The following TBC1D5 variants were observed in gnomAD, a reference collection of about 807,000 sequenced individuals.
The protein encoded by TBC1D5 is TBC1 domain family, member 5.
Under a neutral mutation model 100.3 loss-of-function variants are expected in TBC1D5, and 75 were observed. The ratio of observed to expected loss-of-function variants is 0.75; its 90% CI spans 0.62 to 0.91. TBC1D5 has a LOEUF of 0.91. Among genes scored for constraint, TBC1D5 ranks in the 40% least tolerant of loss-of-function variants. The probability of loss-of-function intolerance (pLI) is 0.00; values close to 1 mark genes in which losing one functional copy is unlikely to be tolerated. For missense variants in TBC1D5, 910 were observed against 942.4 expected (o/e 0.97, Z 0.45); for synonymous variants, 323 against 325.6 (o/e 0.99, Z 0.09).
chr3:17,204,247 T>C, intron 18 of TBC1D5, among the ~76,000 whole-genome samples: 1 of 152,224 alleles, frequency 6.6e-6, no homozygotes, highest in Non-Finnish European at 1.5e-5. Flanking sequence ...ATCTGGTCTC[T>C]GGCCTTGGCT....
intron 2 of TBC1D5, among the ~76,000 whole-genome samples, chr3:17,533,701 A>G (rs2096255694): frequency 6.6e-6 from 1 of 152,204 alleles, no homozygotes; most frequent in Admixed American, 6.5e-5. Flanking sequence ...ACGAATGTGA[A>G]TTACAAAAGA....
intron 18 of TBC1D5, among the ~76,000 whole-genome samples, chr3:17,205,018 C>T (rs530175083): frequency 6.6e-6 from 1 of 152,300 alleles, no homozygotes; most frequent in Non-Finnish European, 1.5e-5. Flanking sequence ...GTTTACAAAA[C>T]ATCGAATGAC....
At chr3:17,463,546 G>A (rs185056215) in intron 3 of TBC1D5, among the ~76,000 whole-genome samples, 3 of 152,256 alleles carry the variant, frequency 2.0e-5, no homozygotes, top group Admixed American at 6.5e-5. Context: ...TACCATTTAA[G>A]GGGGTGCTCA....
At chr3:17,718,393 C>T (rs568104802) in intron 1 of TBC1D5, among the ~76,000 whole-genome samples, 4 of 152,136 alleles carry the variant, frequency 2.6e-5, no homozygotes, top group African/African-American at 9.6e-5. Flanking sequence ...GTCAGGAGAT[C>T]GAGACCATCC....
chr3:17,686,272 ATCAGCCTTCATTTAACAAAGGTTT>A (rs1010848872), intron 1 of TBC1D5, among the ~76,000 whole-genome samples: 1 of 152,106 alleles, frequency 6.6e-6, no homozygotes, highest in African/African-American at 2.4e-5. Context: ...GACCTCATAA[ATCAGCCTTCATTTAACAAAGGTTT>A]TATCTACCCA....
At chr3:17,627,251 C>T (rs1031414446) in intron 1 of TBC1D5, among the ~76,000 whole-genome samples, 1 of 152,124 alleles carries the variant, frequency 6.6e-6, no homozygotes, top group African/African-American at 2.4e-5. Flanking sequence ...ATGGCTGGAT[C>T]TGACTGGAGC....
At chr3:17,547,886 A>G (rs937039758) in intron 2 of TBC1D5, among the ~76,000 whole-genome samples, 14 of 152,248 alleles carry the variant, frequency 9.2e-5, no homozygotes, top group African/African-American at 3.1e-4. Flanking sequence ...AATTTGACTG[A>G]CAAGTTTACA....
chr3:17,541,835 A>G (rs1011305290), intron 2 of TBC1D5, among the ~76,000 whole-genome samples: 1 of 152,230 alleles, frequency 6.6e-6, no homozygotes, highest in Non-Finnish European at 1.5e-5. Flanking sequence ...CACATATAGT[A>G]GTCCTCTCAC....
intron 2 of TBC1D5, among the ~76,000 whole-genome samples, chr3:17,545,666 T>G (rs1424459510): frequency 6.6e-6 from 1 of 152,180 alleles, no homozygotes; most frequent in Non-Finnish European, 1.5e-5. Context: ...ATTTTGGTGT[T>G]TTTTTCAATG....
chr3:17,290,051 T>C (rs559825572), intron 15 of TBC1D5, among the ~76,000 whole-genome samples: 1 of 152,384 alleles, frequency 6.6e-6, no homozygotes, highest in South Asian at 2.1e-4. Flanking sequence ...CTTATTCTAC[T>C]GAGCCTTTTA....
chr3:17,548,602 T>G (rs933078830), intron 2 of TBC1D5, among the ~76,000 whole-genome samples: 8 of 152,200 alleles, frequency 5.3e-5, no homozygotes, highest in Non-Finnish European at 1.0e-4. Context: ...AGAGTCTTTG[T>G]AGCTACTGTT....
At chr3:17,277,930 G>A (rs1281977741) in intron 15 of TBC1D5, among the ~76,000 whole-genome samples, 1 of 152,142 alleles carries the variant, frequency 6.6e-6, no homozygotes, top group Admixed American at 6.5e-5. Flanking sequence ...GTTTTAACCA[G>A]CTGTAATGAA....
chr3:17,399,155 G>A (rs963841256), intron 8 of TBC1D5, among the ~76,000 whole-genome samples: 5 of 152,058 alleles, frequency 3.3e-5, no homozygotes, highest in Admixed American at 1.3e-4. Context: ...GTCTAAAAGG[G>A]AACTGGGTAT....
intron 13 of TBC1D5, among the ~76,000 whole-genome samples, chr3:17,368,175 T>C (rs1438498023): frequency 6.6e-6 from 1 of 152,142 alleles, no homozygotes; most frequent in African/African-American, 2.4e-5. Context: ...CAAGATTTCA[T>C]GTGGACTTAT....
At chr3:17,693,233 G>A (rs1172552050) in intron 1 of TBC1D5, among the ~76,000 whole-genome samples, 1 of 152,214 alleles carries the variant, frequency 6.6e-6, no homozygotes, top group Non-Finnish European at 1.5e-5. Flanking sequence ...GGGACTGGTT[G>A]GACATTGGGT....
intron 2 of TBC1D5, among the ~76,000 whole-genome samples, chr3:17,555,341 G>A (rs1027244181): frequency 3.9e-5 from 6 of 152,116 alleles, no homozygotes; most frequent in African/African-American, 1.4e-4. Flanking sequence ...GATTTTATAC[G>A]TTTCAGGGAT....
chr3:17,298,158 T>C (rs898241774), intron 14 of TBC1D5, among the ~76,000 whole-genome samples: 5 of 152,344 alleles, frequency 3.3e-5, no homozygotes, highest in African/African-American at 1.2e-4. Flanking sequence ...CTTTATTTCA[T>C]TGTGTTTTGT....
At chr3:17,284,302 G>T (rs1467985718) in intron 15 of TBC1D5, among the ~76,000 whole-genome samples, 4 of 152,080 alleles carry the variant, frequency 2.6e-5, no homozygotes, top group Non-Finnish European at 4.4e-5. Context: ...ATTTTTAATA[G>T]AGATGGGGTT....
chr3:17,677,868 C>A (rs1210895105), intron 1 of TBC1D5, among the ~76,000 whole-genome samples: 1 of 152,050 alleles, frequency 6.6e-6, no homozygotes, highest in Admixed American at 6.5e-5. Context: ...AAGCTGGAAA[C>A]CATCATTCTC....
Sources: gnomAD v4.1 joint callset for allele counts (sites outside exome capture counted in the v4.1 genomes callset) on GRCh38, gnomAD v4.1.1 for gene constraint, MANE v1.5 for transcripts, NCBI Gene and HGNC (gene_info 2026-07-23, HGNC 2026-07-21) for gene names.